Variants in CACNA1D observed in about 807,000 individuals in gnomAD.
The protein encoded by CACNA1D is voltage-dependent L-type calcium channel subunit alpha-1D.
Under a neutral mutation model 257.1 loss-of-function variants are expected in CACNA1D, and 55 were observed. The observed-to-expected ratio is 0.21, with a 90% CI of 0.17 to 0.27. The LOEUF is 0.27. Ranked by LOEUF, CACNA1D falls within the 10% of genes least tolerant of loss-of-function variation. The pLI, the probability that CACNA1D is intolerant of heterozygous loss-of-function variation, is 1.00. For missense variants in CACNA1D, 1,876 were observed against 2,784.0 expected (o/e 0.67, Z 7.34); for synonymous variants, 980 against 1,014.9 (o/e 0.97, Z 0.65).
chr3:53,766,449 C>T (rs1480994813), intron 30 of CACNA1D, among the ~76,000 whole-genome samples: 1 of 152,234 alleles, frequency 6.6e-6, no homozygotes, highest in African/African-American at 2.4e-5. Context: ...CCCAGCTGTT[C>T]TGGGATGCTG....
At position 53,811,081 on chromosome 3, in the gene CACNA1D, C is replaced by T. The variant is rs201624722; in HGVS notation, c.6193-32C>T. ...CCTGCCCTGCAAAGCCTTATAACAC[C>T]CCCATGCCATCCATCCCTCTTTTCT... On this transcript the variant is annotated intron_variant, in intron 47 of 47. Coordinates refer to ENST00000350061, the MANE Select transcript of CACNA1D (RefSeq NM_001128840.3). The surrounding 1 kb of genome is among the most constrained non-coding windows in gnomAD (Gnocchi z 4.2). 2 of 1,590,182 alleles carry T rather than the reference C, an allele frequency of 1.3e-6. No homozygotes were observed. The highest frequency in any genetic ancestry group is 2.7e-5 in the African/African-American group (2 of 74,436).
chr3:53,720,643 A>C (rs1375788895), intron 11 of CACNA1D, among the ~76,000 whole-genome samples: 1 of 152,246 alleles, frequency 6.6e-6, no homozygotes, highest in Non-Finnish European at 1.5e-5. Context: ...GCAGATAAGC[A>C]CATGAAATGA....
Position 53,812,200 on chromosome 3 carries a change from A to AGAT in CACNA1D, c.*796_*798dup, listed in dbSNP as rs1400247850. The AGAT allele has an allele frequency of 6.6e-6, 1 of 152,206 alleles. No homozygotes were observed. The highest frequency in any genetic ancestry group is 1.5e-5 in the Non-Finnish European group (1 of 68,044). The allele number at this position is 152,206 out of a possible 1,614,324, so 9.4% of individuals were successfully genotyped here. On this transcript the variant is annotated 3_prime_UTR_variant, in exon 48 of 48. Coordinates refer to ENST00000350061, the MANE Select transcript of CACNA1D (RefSeq NM_001128840.3). ...TATACTATAATTTGTATTTGTAAAG[A>AGAT]GATGGTCTATATTTTGTAATTACTG... is the stretch of plus-strand genomic sequence containing the variant.
chr3:53,622,864 G>A (rs1474979965), intron 3 of CACNA1D, among the ~76,000 whole-genome samples: 1 of 151,778 alleles, frequency 6.6e-6, no homozygotes, highest in Non-Finnish European at 1.5e-5. Flanking sequence ...GATAGAGGGA[G>A]GTAACATAAT....
intron 29 of CACNA1D, among the ~76,000 whole-genome samples, chr3:53,757,052 G>C (rs2095269918): frequency 6.6e-6 from 1 of 152,156 alleles, no homozygotes; most frequent in Non-Finnish European, 1.5e-5. Context: ...AAAGTGTTTT[G>C]GTGCTGTCCT....
intron 3 of CACNA1D, among the ~76,000 whole-genome samples, chr3:53,632,685 G>A (rs936200786): frequency 1.3e-5 from 2 of 152,224 alleles, no homozygotes; most frequent in African/African-American, 4.8e-5. Flanking sequence ...AGAGGCTGTT[G>A]TAGGGTTATT....
intron 3 of CACNA1D, among the ~76,000 whole-genome samples, chr3:53,566,045 C>G (rs1182012163): frequency 6.6e-6 from 1 of 152,200 alleles, no homozygotes; most frequent in Non-Finnish European, 1.5e-5. Flanking sequence ...TTCTCTACAT[C>G]TTAGCCTTTT....
At chr3:53,660,376 C>T (rs1176751305) in intron 5 of CACNA1D, 101 bp downstream of exon 5, 5 of 1,154,872 alleles carry the variant, frequency 4.3e-6, no homozygotes, top group South Asian at 2.5e-5. Flanking sequence ...TCTGTGCCAG[C>T]CAGGGGTCAG....
intron 3 of CACNA1D, among the ~76,000 whole-genome samples, chr3:53,616,301 T>C (rs1397495797): frequency 6.6e-6 from 1 of 152,202 alleles, no homozygotes; most frequent in Non-Finnish European, 1.5e-5. Flanking sequence ...TCATCATGTC[T>C]CTGTTTCAGG....
chr3:53,605,005 C>T (rs1352167076), intron 3 of CACNA1D, among the ~76,000 whole-genome samples: 1 of 152,202 alleles, frequency 6.6e-6, no homozygotes, highest in Non-Finnish European at 1.5e-5. Context: ...CCATTCCTTT[C>T]TCCTCTACTC....
At chr3:53,555,853 C>T (rs945118476) in intron 3 of CACNA1D, among the ~76,000 whole-genome samples, 2 of 152,020 alleles carry the variant, frequency 1.3e-5, no homozygotes, top group South Asian at 2.1e-4. Context: ...CAGTAAAAAT[C>T]GGGGTGTGTG....
At chr3:53,519,898 G>T (rs1206077720) in intron 3 of CACNA1D, among the ~76,000 whole-genome samples, 1 of 152,096 alleles carries the variant, frequency 6.6e-6, no homozygotes, top group African/African-American at 2.4e-5. Context: ...ATATAAACGG[G>T]ATCATACAAT....
Position 53,789,574 on chromosome 3 carries a change from G to C in CACNA1D, c.4923+2622G>C, listed in dbSNP as rs545270053. ...GTAACTAGGACAAGGACACAGCCTCGGGAAGCCCCTGAGAGTGGGCGTGGC... is the reference window on the plus strand; with the variant it reads ...GTAACTAGGACAAGGACACAGCCTCCGGAAGCCCCTGAGAGTGGGCGTGGC... On this transcript the variant is annotated intron_variant, in intron 40 of 47. Transcript: ENST00000350061. This position sits in a 1 kb window ranked among gnomAD's most constrained non-coding sequence, Gnocchi z 4.2. Among the ~76,000 whole-genome samples, 1 of 152,232 alleles carries C rather than the reference G, an allele frequency of 6.6e-6. No individual in the cohort carries two copies. Among genetic ancestry groups the C allele is most frequent in the Non-Finnish European group, 1.5e-5 (1 of 68,038 alleles).
rs2094344124 is a variant in CACNA1D, at chr3:53,673,371, A to G, written c.1220+245A>G. Among the ~76,000 whole-genome samples, 2 of 152,224 alleles carry G rather than the reference A, an allele frequency of 1.3e-5. No homozygotes were observed. Among genetic ancestry groups the G allele is most frequent in the Non-Finnish European group, 2.9e-5 (2 of 68,026 alleles). On this transcript the variant is annotated intron_variant, in intron 8 of 47. Coordinates refer to ENST00000350061, the MANE Select transcript of CACNA1D (RefSeq NM_001128840.3). This position sits in a 1 kb window ranked among gnomAD's most constrained non-coding sequence, Gnocchi z 4.1. The stretch of plus-strand genomic sequence containing the variant: ...TAATCAGCATTGTTGCTTGAGATTT[A>G]AACAATTTCCATAGCATGCCCTTTT...
At chr3:53,540,365 A>ACTGG (rs2092265516) in intron 3 of CACNA1D, among the ~76,000 whole-genome samples, 1 of 151,836 alleles carries the variant, frequency 6.6e-6, no homozygotes, top group East Asian at 1.9e-4. Flanking sequence ...ACCTCAAGCA[A>ACTGG]TCTGCCCACC....
chr3:53,750,235 C>T (rs1230182092), intron 27 of CACNA1D, among the ~76,000 whole-genome samples: 1 of 152,240 alleles, frequency 6.6e-6, no homozygotes, highest in East Asian at 1.9e-4. Context: ...TATCTTCCTA[C>T]ACCTGCACTG....
intron 3 of CACNA1D, among the ~76,000 whole-genome samples, chr3:53,603,224 C>T (rs1458137885): frequency 6.6e-6 from 1 of 152,228 alleles, no homozygotes; most frequent in African/African-American, 2.4e-5. Context: ...TTTTGATGTA[C>T]TTCAGCCAGT....
At position 53,811,209 on chromosome 3, in the gene CACNA1D, G is replaced by A. The variant is rs41276455; in HGVS notation, c.6289G>A (p.Asp2097Asn). Reference sequence around the variant, plus strand: ...CGCTGATGCCTGTGACCTCACCATCGACGAGATGGAGAGTGCAGCCAGCAC... The same window carrying A: ...CGCTGATGCCTGTGACCTCACCATCAACGAGATGGAGAGTGCAGCCAGCAC... Reference protein sequence around the residue: ...EIADACDLTIDEMESAASTLL... With the variant: ...EIADACDLTINEMESAASTLL... The change falls in exon 48 of 48, where the codon GAC becomes AAC. Residue 2097 changes from aspartate to asparagine, a missense_variant. By Grantham distance (23) the Asp-to-Asn change is conservative. Coordinates refer to ENST00000350061, the MANE Select transcript of CACNA1D (RefSeq NM_001128840.3). This position sits in a 1 kb window ranked among gnomAD's most constrained non-coding sequence, Gnocchi z 4.2. The A allele has an allele frequency of 1.3e-5, 21 of 1,613,768 alleles. No individual in the cohort carries two copies. Among genetic ancestry groups the A allele is most frequent in the Non-Finnish European group, 1.7e-5 (20 of 1,179,776 alleles).
At chr3:53,497,800 T>A (rs908755779) in intron 2 of CACNA1D, among the ~76,000 whole-genome samples, 1 of 152,160 alleles carries the variant, frequency 6.6e-6, no homozygotes, top group African/African-American at 2.4e-5. Context: ...AGTGTTGTCT[T>A]TGGGCAATAG....
Sources: allele counts gnomAD v4.1 joint callset (sites outside exome capture counted in the v4.1 genomes callset), GRCh38; gene constraint gnomAD v4.1.1; non-coding constraint Gnocchi (gnomAD v3.1); transcripts MANE v1.5; gene names NCBI Gene and HGNC (gene_info 2026-07-23, HGNC 2026-07-21).